The following VPS13B variants were observed in gnomAD, a reference collection of about 807,000 sequenced individuals.
VPS13B encodes intermembrane lipid transfer protein VPS13B.
VPS13B carries 285 observed loss-of-function variants against 426.4 expected under a neutral mutation model. The ratio of observed to expected loss-of-function variants is 0.67; its 90% CI spans 0.61 to 0.74. The LOEUF (loss-of-function observed/expected upper bound fraction) is 0.74. Among genes scored for constraint, VPS13B ranks in the 30% least tolerant of loss-of-function variants. VPS13B has a pLI of 0.00. For missense variants in VPS13B, 4,537 were observed against 4,782.6 expected (o/e 0.95, Z 1.51); for synonymous variants, 1,676 against 1,676.4 (o/e 1.00, Z 0.01).
intron 35 of VPS13B, among the ~76,000 whole-genome samples, chr8:99,688,011 T>G (rs1831490280): frequency 6.6e-6 from 1 of 151,836 alleles, no homozygotes; most frequent in South Asian, 2.1e-4. Flanking sequence ...AAAGGGTACA[T>G]TAGATAAAGG....
intron 23 of VPS13B, among the ~76,000 whole-genome samples, chr8:99,464,803 C>A (rs1013035513): frequency 6.6e-6 from 1 of 152,064 alleles, no homozygotes; most frequent in South Asian, 2.1e-4. Context: ...CTGTCATATT[C>A]ACTTTCTTTC....
intron 7 of VPS13B, among the ~76,000 whole-genome samples, chr8:99,117,964 C>T (rs570110452): frequency 1.8e-4 from 28 of 152,066 alleles, no homozygotes; most frequent in African/African-American, 6.7e-4. Context: ...AATCTTACTA[C>T]CTTAAAATAA....
intron 43 of VPS13B, among the ~76,000 whole-genome samples, chr8:99,785,919 A>G (rs1812237470): frequency 6.6e-6 from 1 of 152,178 alleles, no homozygotes; most frequent in Non-Finnish European, 1.5e-5. Flanking sequence ...GTAATTGTAC[A>G]CTGTACCTGT....
chr8:99,013,701 C>A, intron 1 of VPS13B, 59 bp from the exon 2 acceptor site: 2 of 1,536,580 alleles, frequency 1.3e-6, no homozygotes, highest in Non-Finnish European at 1.8e-6. Flanking sequence ...CCTGAGATAA[C>A]GAACGCTCTT....
At chr8:99,020,033 A>T (rs1563486593) in intron 2 of VPS13B, among the ~76,000 whole-genome samples, 1 of 152,124 alleles carries the variant, frequency 6.6e-6, no homozygotes, top group Non-Finnish European at 1.5e-5. Context: ...TCTGTGTTTA[A>T]TTTTTTGAGG....
rs564691751 is a variant in VPS13B, at chr8:99,192,870, G to A, written c.2334-6G>A. The A allele has an allele frequency of 1.1e-5, 17 of 1,612,316 alleles. No homozygotes were observed. Among genetic ancestry groups the A allele is most frequent in the Non-Finnish European group, 1.4e-5 (16 of 1,179,638 alleles). On this transcript the variant is annotated splice_region_variant and splice_polypyrimidine_tract_variant and intron_variant, in intron 16 of 61. Coordinates refer to ENST00000357162, the MANE Select transcript of VPS13B (RefSeq NM_152564.5). Reference sequence around the variant, plus strand: ...GTATTGCGATTCTTTCTGTTTTCTTGTGCAGGACCAAAAGATCTCAGATTG... The same window carrying A: ...GTATTGCGATTCTTTCTGTTTTCTTATGCAGGACCAAAAGATCTCAGATTG...
chr8:99,621,037 A>C (rs1222823961), intron 33 of VPS13B, among the ~76,000 whole-genome samples: 1 of 150,748 alleles, frequency 6.6e-6, no homozygotes. Context: ...AGCATACTGG[A>C]GAAAGAAAAA....
In VPS13B at chr8:99,501,078, C is replaced by G. The variant is rs184182092; in HGVS notation, c.3871-609C>G. On this transcript the variant is annotated intron_variant, in intron 25 of 61. Transcript: ENST00000357162. ...TTAAAAAAATCTATTGTCAAATCTACTAATTTTTAATGTCTCCTTAATTAA... is the reference window on the plus strand; with the variant it reads ...TTAAAAAAATCTATTGTCAAATCTAGTAATTTTTAATGTCTCCTTAATTAA... Among the ~76,000 whole-genome samples, 60 of 152,288 alleles carry G rather than the reference C, an allele frequency of 3.9e-4. 1 individual carries two copies. In the East Asian group the frequency reaches 0.011, roughly 27 times the overall value.
chr8:99,696,414 C>T, intron 35 of VPS13B: 1 of 344,208 alleles, frequency 2.9e-6, no homozygotes. Flanking sequence ...TGCTGTGGCA[C>T]ATCCTTGACA....
chr8:99,683,811 G>A (rs1043046006), intron 35 of VPS13B, among the ~76,000 whole-genome samples: 6 of 152,028 alleles, frequency 3.9e-5, no homozygotes, highest in African/African-American at 1.2e-4. Context: ...AATGGGCATC[G>A]TTTTCTTTGT....
At chr8:99,065,953 A>C (rs1027956650) in intron 3 of VPS13B, among the ~76,000 whole-genome samples, 4 of 152,246 alleles carry the variant, frequency 2.6e-5, no homozygotes, top group African/African-American at 4.8e-5. Flanking sequence ...AGGGATGTGA[A>C]GGACCTCTTC....
chr8:99,043,226 A>G (rs923314735), intron 3 of VPS13B, among the ~76,000 whole-genome samples: 1 of 152,110 alleles, frequency 6.6e-6, no homozygotes, highest in Non-Finnish European at 1.5e-5. Context: ...CTGGCCATCA[A>G]TGTGCTCTGT....
At chr8:99,148,226 C>T (rs532632590) in intron 14 of VPS13B, among the ~76,000 whole-genome samples, 8 of 151,696 alleles carry the variant, frequency 5.3e-5, no homozygotes, top group Admixed American at 4.6e-4. Flanking sequence ...AAATTTGGCA[C>T]GGTGGCACAT....
At chr8:99,392,598 TAAG>T (rs777858747) in intron 21 of VPS13B, among the ~76,000 whole-genome samples, 1 of 152,046 alleles carries the variant, frequency 6.6e-6, no homozygotes, top group Non-Finnish European at 1.5e-5. Context: ...GCAGAAATAT[TAAG>T]AAGATCCCTA....
chr8:99,542,370 A>G (rs1481588052), intron 30 of VPS13B, among the ~76,000 whole-genome samples: 1 of 152,212 alleles, frequency 6.6e-6, no homozygotes, highest in African/African-American at 2.4e-5. Flanking sequence ...TTGGTGCTAT[A>G]GTAGCCACTG....
intron 58 of VPS13B, among the ~76,000 whole-genome samples, chr8:99,867,830 C>G (rs2130961448): frequency 6.6e-6 from 1 of 152,236 alleles, no homozygotes; most frequent in East Asian, 1.9e-4. Flanking sequence ...TAAATTATGA[C>G]TGTTATCATT....
intron 3 of VPS13B, among the ~76,000 whole-genome samples, chr8:99,063,017 T>G (rs1844275238): frequency 6.6e-6 from 1 of 152,174 alleles, no homozygotes; most frequent in Non-Finnish European, 1.5e-5. Flanking sequence ...CAGGATGCAT[T>G]TTTTTAGGAG....
At chr8:99,304,033 A>G (rs1339232106) in intron 19 of VPS13B, among the ~76,000 whole-genome samples, 1 of 152,164 alleles carries the variant, frequency 6.6e-6, no homozygotes, top group Non-Finnish European at 1.5e-5. Context: ...TATGGGCTTT[A>G]TAAGCAGACT....
chr8:99,859,156 A>T, intron 56 of VPS13B, 148 bp from the exon 57 acceptor site: 2 of 978,214 alleles, frequency 2.0e-6, no homozygotes, highest in Non-Finnish European at 1.6e-6. Context: ...AGAATGACTT[A>T]TTTCCCTTAT....
Sources: gnomAD v4.1 joint callset for allele counts (sites outside exome capture counted in the v4.1 genomes callset) on GRCh38, gnomAD v4.1.1 for gene constraint, MANE v1.5 for transcripts, NCBI Gene and HGNC (gene_info 2026-07-23, HGNC 2026-07-21) for gene names.